The following IQGAP2 variants were observed in gnomAD, a reference collection of about 807,000 sequenced individuals.
IQGAP2 encodes ras GTPase-activating-like protein IQGAP2.
A neutral mutation model predicts 201.3 loss-of-function variants in IQGAP2; 173 were observed. The observed-to-expected ratio is 0.86, with a 90% CI of 0.76 to 0.98. The LOEUF is 0.98. Among genes scored for constraint, IQGAP2 ranks in the 50% least tolerant of loss-of-function variants. IQGAP2 has a pLI of 0.00. For missense variants in IQGAP2, 1,687 were observed against 1,864.8 expected (o/e 0.90, Z 1.76); for synonymous variants, 675 against 673.9 (o/e 1.00, Z -0.03).
Position 76,683,850 on chromosome 5 carries a change from C to G in IQGAP2, c.3838C>G (p.Leu1280Val). Residue 1280 changes from leucine (L) to valine (V), a missense_variant, in exon 30 of 36, where the codon CTT becomes GTT. By Grantham distance (32) the Leu-to-Val change is conservative. Coordinates refer to ENST00000274364, the MANE Select transcript of IQGAP2 (RefSeq NM_006633.5). ...TCAGCTTTCAAAGACCGAGATTTCTCTTGTCTTGACAAGCAAATATGACAT... is the reference window on the plus strand; with the variant it reads ...TCAGCTTTCAAAGACCGAGATTTCTGTTGTCTTGACAAGCAAATATGACAT... ...LSQLSKTEIS[L>V]VLTSKYDIED... is the part of the protein sequence containing the mutation. 1 of 1,613,590 alleles carries G rather than the reference C, an allele frequency of 6.2e-7. No individual in the cohort carries two copies. The highest frequency in any genetic ancestry group is 2.2e-5 in the East Asian group (1 of 44,834).
chr5:76,423,147 C>T (rs1358153168), intron 1 of IQGAP2, among the ~76,000 whole-genome samples: 3 of 152,114 alleles, frequency 2.0e-5, no homozygotes, highest in African/African-American at 4.8e-5. Context: ...AAAAAATTAC[C>T]ACTAATCAAC....
intron 2 of IQGAP2, among the ~76,000 whole-genome samples, chr5:76,491,072 G>A (rs1236875541): frequency 1.4e-5 from 2 of 142,696 alleles, no homozygotes; most frequent in Non-Finnish European, 3.0e-5. Context: ...AGTAATAAAT[G>A]TGTCATAATT....
At chr5:76,686,676 A>T (rs1477894240) in intron 30 of IQGAP2, among the ~76,000 whole-genome samples, 1 of 151,710 alleles carries the variant, frequency 6.6e-6, no homozygotes, top group Admixed American at 6.6e-5. Context: ...TGCCCAGCTA[A>T]TTTTTTGTGT....
chr5:76,605,861 G>C (rs1747766576), intron 11 of IQGAP2, among the ~76,000 whole-genome samples: 1 of 152,200 alleles, frequency 6.6e-6, no homozygotes, highest in Admixed American at 6.5e-5. Context: ...GACATACAAA[G>C]GGGAGGAAAA....
In IQGAP2 at chr5:76,575,631, G is replaced by T; in HGVS notation, c.382-62G>T. ...GGACAATCAAAATAGGGTCATTTTG[G>T]GAAGTTAAAATACTTGTGAGAAGCA... is the stretch of plus-strand genomic sequence containing the variant. On this transcript the variant is annotated intron_variant, in intron 4 of 35. Coordinates refer to ENST00000274364, the MANE Select transcript of IQGAP2 (RefSeq NM_006633.5). The T allele has an allele frequency of 1.1e-5, 11 of 973,772 alleles. No individual in the cohort carries two copies. In the South Asian group the frequency reaches 1.6e-4, roughly 15 times the overall value. The allele number at this position is 973,772 out of a possible 1,614,324, so 60.3% of individuals were successfully genotyped here.
At chr5:76,603,747 G>A (rs973043527) in intron 11 of IQGAP2, among the ~76,000 whole-genome samples, 9 of 152,136 alleles carry the variant, frequency 5.9e-5, no homozygotes, top group African/African-American at 2.2e-4. Context: ...AACATCTGCT[G>A]AACTAAATTG....
intron 25 of IQGAP2, 153 bp from the exon 26 acceptor site, chr5:76,673,799 C>G: frequency 1.5e-6 from 1 of 675,732 alleles, no homozygotes; most frequent in Non-Finnish European, 2.6e-6. Context: ...TTATTATCAT[C>G]AGTGGAAGTC....
chr5:76,628,727 G>T (rs985141771), intron 14 of IQGAP2: 2 of 456,018 alleles, frequency 4.4e-6, no homozygotes, highest in Non-Finnish European at 8.8e-6. Flanking sequence ...AAACATCTGG[G>T]CTTTATCTCC....
At chr5:76,493,580 C>G (rs1756696469) in intron 2 of IQGAP2, among the ~76,000 whole-genome samples, 1 of 152,130 alleles carries the variant, frequency 6.6e-6, no homozygotes, top group Non-Finnish European at 1.5e-5. Flanking sequence ...TGTTTCTTGT[C>G]AGATCCTCCA....
intron 20 of IQGAP2, among the ~76,000 whole-genome samples, chr5:76,656,694 GAC>G (rs1742759653): frequency 2.6e-5 from 4 of 151,620 alleles, no homozygotes; most frequent in African/African-American, 9.7e-5. Flanking sequence ...TTATTACAAA[GAC>G]AAATTCCAAT....
chr5:76,610,074 CTCTATATA>C (rs1413103569), intron 12 of IQGAP2, among the ~76,000 whole-genome samples: 105 of 4,378 alleles, frequency 0.024, no homozygotes, highest in Non-Finnish European at 0.047. Context: ...CTCTCTCTCT[CTCTATATA>C]TATATATATA....
At chr5:76,698,504 T>C (rs1352442943) in intron 33 of IQGAP2, among the ~76,000 whole-genome samples, 1 of 152,202 alleles carries the variant, frequency 6.6e-6, no homozygotes, top group Non-Finnish European at 1.5e-5. Flanking sequence ...GTATTTTATA[T>C]AATTGATAAT....
chr5:76,604,443 A>G (rs1178988395), intron 11 of IQGAP2, among the ~76,000 whole-genome samples: 4 of 152,158 alleles, frequency 2.6e-5, no homozygotes, highest in African/African-American at 7.2e-5. Context: ...ATAAACATAC[A>G]GGTACATGTG....
intron 2 of IQGAP2, among the ~76,000 whole-genome samples, chr5:76,503,976 A>G (rs1438957714): frequency 1.3e-5 from 2 of 152,206 alleles, no homozygotes; most frequent in Admixed American, 6.5e-5. Context: ...GTTTAGCAGT[A>G]TCTACCTAGA....
intron 1 of IQGAP2, among the ~76,000 whole-genome samples, chr5:76,449,232 C>T (rs919125397): frequency 1.3e-5 from 2 of 152,190 alleles, no homozygotes; most frequent in East Asian, 3.8e-4. Context: ...ATGTGTTTTG[C>T]ACCTAACTTC....
At chr5:76,614,873 A>T (rs145885156) in intron 13 of IQGAP2, among the ~76,000 whole-genome samples, 51 of 152,284 alleles carry the variant, frequency 3.3e-4, no homozygotes, top group African/African-American at 1.2e-3. Flanking sequence ...TGGTATTATC[A>T]GTATAAAGTA....
At chr5:76,416,934 T>G (rs1751439794) in intron 1 of IQGAP2, among the ~76,000 whole-genome samples, 1 of 152,058 alleles carries the variant, frequency 6.6e-6, no homozygotes, top group Admixed American at 6.6e-5. Flanking sequence ...GCTCAAGTGA[T>G]CCTCCTACCT....
At chr5:76,651,266 A>T (rs977421779) in intron 17 of IQGAP2, among the ~76,000 whole-genome samples, 2 of 152,158 alleles carry the variant, frequency 1.3e-5, no homozygotes, top group Non-Finnish European at 2.9e-5. Flanking sequence ...CATAATTTTT[A>T]TCTCTATGCC....
At position 76,627,031 on chromosome 5, in the gene IQGAP2, G is replaced by T. The variant is rs180745411; in HGVS notation, c.1522-379G>T. 6.4e-3 allele frequency among the ~76,000 whole-genome samples: 403 copies of T among 62,492 alleles called. 2 individuals carry two copies. Among genetic ancestry groups the T allele is most frequent in the African/African-American group, 0.021 (349 of 16,978 alleles). The allele number at this position is 62,492 out of a possible 152,430, so 41.0% of individuals were successfully genotyped here. A position where few individuals can be genotyped will look rare whatever the true frequency, so the allele number is the denominator to read the frequency against. ...CACCCTGTGTTTCCTTCTAACTGCC[G>T]GGGGAAGCCTTTGGGGAAGCTTTAA... On this transcript the variant is annotated intron_variant, in intron 13 of 35. Coordinates refer to ENST00000274364, the MANE Select transcript of IQGAP2 (RefSeq NM_006633.5).
Sources: gnomAD v4.1 joint callset for allele counts (sites outside exome capture counted in the v4.1 genomes callset) on GRCh38, gnomAD v4.1.1 for gene constraint, MANE v1.5 for transcripts, NCBI Gene and HGNC (gene_info 2026-07-23, HGNC 2026-07-21) for gene names.